Variants in RAD54L observed in about 807,000 individuals in gnomAD.
RAD54L encodes the protein DNA repair and recombination protein RAD54-like.
In RAD54L, 74 loss-of-function variants were observed where a neutral mutation model predicts 91.6. That is an observed-to-expected ratio of 0.81 (90% CI 0.67 to 0.98). RAD54L has a LOEUF of 0.98. RAD54L is among the 50% of genes least tolerant of loss of function. RAD54L has a pLI of 0.00. For missense variants in RAD54L, 887 were observed against 945.7 expected (o/e 0.94, Z 0.81); for synonymous variants, 304 against 349.7 (o/e 0.87, Z 1.46).
chr1:46,256,590 C>T (rs1360897815), intron 3 of RAD54L, among the ~76,000 whole-genome samples: 5 of 151,040 alleles, frequency 3.3e-5, no homozygotes, highest in Admixed American at 1.3e-4. Flanking sequence ...GTATGATCAC[C>T]ACTACTGTAC....
intron 16 of RAD54L, among the ~76,000 whole-genome samples, chr1:46,275,502 C>T (rs1221062870): frequency 1.3e-5 from 2 of 152,084 alleles, no homozygotes. Context: ...CTTCACTGTG[C>T]ATCCTTTCAG....
At chr1:46,272,397 T>C (rs1310553368) in intron 10 of RAD54L, 69 bp from the exon 11 acceptor site, 2 of 1,339,486 alleles carry the variant, frequency 1.5e-6, no homozygotes, top group Non-Finnish European at 2.1e-6. Context: ...CTTTGGGTGG[T>C]AGCTTTTATT....
chr1:46,260,409 AC>A (rs1569579992), intron 5 of RAD54L, 132 bp from the exon 6 acceptor site: 3 of 1,001,636 alleles, frequency 3.0e-6, no homozygotes, highest in Non-Finnish European at 4.7e-6. Context: ...CTATGGTTTT[AC>A]GATTTATCAG....
chr1:46,261,139 A>G, intron 7 of RAD54L, 122 bp from the exon 8 acceptor site: 1 of 1,542,586 alleles, frequency 6.5e-7, no homozygotes, highest in Non-Finnish European at 8.8e-7. Flanking sequence ...ATTTCCATTG[A>G]AAATAGTTGA....
rs202208887 is a variant in RAD54L at position 46,260,551 on chromosome 1, C to T, written c.417C>T (p.Leu139=). The change falls in exon 6 of 18, where the codon CTC becomes CTT. Residue 139 remains leucine (L), a synonymous_variant. Transcript: ENST00000371975. ...TGCTGTGTTTTCTCAGGGAGAAACT[C>T]CCTGTCCATGTGGTTGTTGACCCTA... ...HDQLKLDKEK[L]PVHVVVDPIL... is the part of the protein sequence containing the mutation. 1.1e-5 allele frequency: 17 copies of T among 1,614,004 alleles called. No individual in the cohort carries two copies. Among genetic ancestry groups the T allele is most frequent in the Non-Finnish European group, 1.4e-5 (17 of 1,179,944 alleles).
intron 8 of RAD54L, 169 bp downstream of exon 8, chr1:46,261,554 C>A: frequency 1.1e-6 from 1 of 871,240 alleles, no homozygotes; most frequent in African/African-American, 1.7e-5. Flanking sequence ...AAGATACTGT[C>A]TGCCAAAAGA....
At chr1:46,251,476 A>G (rs1333498674) in intron 3 of RAD54L, among the ~76,000 whole-genome samples, 4 of 152,172 alleles carry the variant, frequency 2.6e-5, no homozygotes, top group Non-Finnish European at 4.4e-5. Context: ...ACTATCTTGA[A>G]TTTTATCCAT....
intron 12 of RAD54L, 134 bp from the exon 13 acceptor site, chr1:46,273,221 G>A: frequency 1.2e-6 from 1 of 812,028 alleles, no homozygotes; most frequent in Non-Finnish European, 2.2e-6. Flanking sequence ...GTTGGAATTT[G>A]GTAGGATGAA....
At chr1:46,255,337 G>A (rs1387081345) in intron 3 of RAD54L, among the ~76,000 whole-genome samples, 1 of 152,032 alleles carries the variant, frequency 6.6e-6, no homozygotes, top group African/African-American at 2.4e-5. Context: ...AGCCTTGGTG[G>A]GGAGGAGGGA....
chr1:46,257,163 A>AC (rs1358797724), intron 3 of RAD54L, among the ~76,000 whole-genome samples: 3 of 149,612 alleles, frequency 2.0e-5, no homozygotes, highest in African/African-American at 5.0e-5. Flanking sequence ...AAAAAAAAAA[A>AC]CCCCAAAAAA....
rs770634886 is a variant in RAD54L, at chr1:46,274,213, A to G, written c.1686A>G (p.Pro562=). The change falls in exon 15 of 18, where the codon CCA becomes CCG. Residue 562 remains proline, a synonymous_variant. Transcript: ENST00000371975. ...AGGTTGTAGAACGCTTCAATAGTCCATCGGTAAATGCACATCCCCGTCCCC... is the reference window on the plus strand; with the variant it reads ...AGGTTGTAGAACGCTTCAATAGTCCGTCGGTAAATGCACATCCCCGTCCCC... The part of the protein sequence containing the change: ...RAKVVERFNS[P]SSPDFVFMLS... 20 of 1,610,430 alleles carry G rather than the reference A, an allele frequency of 1.2e-5. No individual in the cohort carries two copies. In the Admixed American group the frequency reaches 1.8e-4, roughly 15 times the overall value.
At chr1:46,271,317 C>T (rs1211001157) in intron 10 of RAD54L, among the ~76,000 whole-genome samples, 1 of 152,166 alleles carries the variant, frequency 6.6e-6, no homozygotes, top group Non-Finnish European at 1.5e-5. Flanking sequence ...GTCCTCCTGC[C>T]CTTCCCAACA....
chr1:46,255,366 A>G (rs1379186739), intron 3 of RAD54L, among the ~76,000 whole-genome samples: 1 of 152,136 alleles, frequency 6.6e-6, no homozygotes, highest in Non-Finnish European at 1.5e-5. Flanking sequence ...CTCATCTATC[A>G]GAAGGAAAGA....
At chr1:46,260,235 AGACT>A in intron 5 of RAD54L, 136 bp downstream of exon 5, 2 of 1,388,676 alleles carry the variant, frequency 1.4e-6, no homozygotes, top group Middle Eastern at 4.6e-4. Flanking sequence ...TTGGGGAAGG[AGACT>A]GCCTGGGGAA....
At chr1:46,267,757 T>C (rs1486267498) in intron 9 of RAD54L, 148 bp downstream of exon 9, 2 of 1,133,154 alleles carry the variant, frequency 1.8e-6, no homozygotes, top group Admixed American at 4.0e-5. Context: ...TGTCAGGGAG[T>C]AGCAAAGCCA....
At chr1:46,259,822 CA>C in intron 4 of RAD54L, 141 bp from the exon 5 acceptor site, 1 of 1,110,234 alleles carries the variant, frequency 9.0e-7, no homozygotes, top group Non-Finnish European at 1.4e-6. Context: ...TAGAGATGCC[CA>C]AACTGAGTTT....
intron 4 of RAD54L, 91 bp from the exon 5 acceptor site, chr1:46,259,873 G>A: frequency 6.4e-7 from 1 of 1,569,368 alleles, no homozygotes; most frequent in Admixed American, 1.7e-5. Context: ...TGGGAGCTCG[G>A]GAAAGGTTAT....
intron 10 of RAD54L, among the ~76,000 whole-genome samples, chr1:46,272,024 A>AATTTTTTTTTT (rs1569608418): frequency 2.5e-5 from 1 of 39,386 alleles, no homozygotes; most frequent in African/African-American, 8.8e-5. Flanking sequence ...AGGTCTGATG[A>AATTTTTTTTTT]CTTTTTTTTT....
Position 46,260,867 on chromosome 1 carries a change from G to C in RAD54L, c.618G>C (p.Glu206Asp). ...LMWTLLRQSP[E>D]CKPEIDKAVV... ...GGACACTTTTACGCCAGAGTCCAGA[G>C]TGCAAGCCAGAAATTGACAAGGCAG... Residue 206 changes from glutamate to aspartate, a missense_variant, in exon 7 of 18, where the codon GAG becomes GAC. Transcript: ENST00000371975. 6.2e-7 allele frequency: 1 copy of C among 1,614,240 alleles called. No homozygotes were observed. The highest frequency in any genetic ancestry group is 8.5e-7 in the Non-Finnish European group (1 of 1,180,042).
Sources: gnomAD v4.1 joint callset for allele counts (sites outside exome capture counted in the v4.1 genomes callset) on GRCh38, gnomAD v4.1.1 for gene constraint, MANE v1.5 for transcripts, NCBI Gene and HGNC (gene_info 2026-07-23, HGNC 2026-07-21) for gene names.